The following SYNE3 variants were observed in gnomAD, a reference collection of about 807,000 sequenced individuals.
SYNE3 encodes the protein nesprin-3.
A neutral mutation model predicts 111.2 loss-of-function variants in SYNE3; 100 were observed. That is an observed-to-expected ratio of 0.90 (90% CI 0.77 to 1.06). SYNE3 has a LOEUF of 1.06. Ranked by LOEUF, SYNE3 falls within the 50% of genes least tolerant of loss-of-function variation. SYNE3 has a pLI of 0.00. For missense variants in SYNE3, 1,160 were observed against 1,240.3 expected, an observed-to-expected ratio of 0.94 and a Z score of 0.97; for synonymous variants, 547 against 533.9, an observed-to-expected ratio of 1.02 and a Z score of -0.34.
intron 8 of SYNE3, among the ~76,000 whole-genome samples, chr14:95,446,873 T>A (rs185924082): frequency 2.6e-5 from 4 of 152,164 alleles, no homozygotes; most frequent in Non-Finnish European, 4.4e-5. Flanking sequence ...CTGCAACTCT[T>A]AGAGCCTGAA....
intron 1 of SYNE3, among the ~76,000 whole-genome samples, chr14:95,503,610 CT>C (rs386382233): frequency 0.018 from 1,631 of 91,806 alleles, 10 homozygotes; most frequent in African/African-American, 0.064. Flanking sequence ...TCAGAACTAC[CT>C]TTTTTTTTTT....
At chr14:95,501,729 G>T (rs895384429) in intron 1 of SYNE3, among the ~76,000 whole-genome samples, 2 of 152,172 alleles carry the variant, frequency 1.3e-5, no homozygotes, top group Non-Finnish European at 1.5e-5. Context: ...GGGCATGGGG[G>T]GAAGCAACAA....
intron 17 of SYNE3, 31 bp from the exon 18 acceptor site, chr14:95,418,057 G>C: frequency 6.2e-7 from 1 of 1,601,534 alleles, no homozygotes; most frequent in South Asian, 1.1e-5. Flanking sequence ...AGGTGAGTGG[G>C]CTGGGGGGCT....
At chr14:95,471,552 A>G (rs1006807031) in intron 2 of SYNE3, among the ~76,000 whole-genome samples, 1 of 152,222 alleles carries the variant, frequency 6.6e-6, no homozygotes, top group Admixed American at 6.5e-5. Context: ...GCCCTGAAAG[A>G]TCAACCTGTA....
At chr14:95,489,737 C>T (rs1284795893) in intron 1 of SYNE3, among the ~76,000 whole-genome samples, 1 of 149,238 alleles carries the variant, frequency 6.7e-6, no homozygotes, top group East Asian at 2.0e-4. Flanking sequence ...TCACGAGCCA[C>T]CATGCCTGGC....
intron 6 of SYNE3, 105 bp downstream of exon 6, chr14:95,455,272 G>A (rs1353601923): frequency 1.1e-6 from 1 of 875,634 alleles, no homozygotes; most frequent in Non-Finnish European, 1.6e-6. Context: ...CAGAGTGAGT[G>A]TGCTCAGGGC....
chr14:95,474,532 G>C (rs998379996), intron 2 of SYNE3, among the ~76,000 whole-genome samples: 3 of 152,208 alleles, frequency 2.0e-5, no homozygotes, highest in African/African-American at 7.2e-5. Context: ...GCACAGCAGA[G>C]AGCTTGAACG....
intron 17 of SYNE3, among the ~76,000 whole-genome samples, chr14:95,421,699 G>T (rs565421345): frequency 6.6e-6 from 1 of 152,330 alleles, no homozygotes; most frequent in South Asian, 2.1e-4. Flanking sequence ...AGCCCCACAA[G>T]CTTCCCCTCT....
At chr14:95,484,804 T>C (rs76344881) in intron 1 of SYNE3, among the ~76,000 whole-genome samples, 11,240 of 152,268 alleles carry the variant, frequency 0.074, 694 homozygotes, top group Admixed American at 0.21. Context: ...TTGATGGATG[T>C]GTTGCATATG....
At chr14:95,421,295 C>T (rs1369670965) in intron 17 of SYNE3, among the ~76,000 whole-genome samples, 1 of 152,042 alleles carries the variant, frequency 6.6e-6, no homozygotes, top group African/African-American at 2.4e-5. Flanking sequence ...GTTAACATAC[C>T]CAACAGAGGC....
chr14:95,514,738 C>A (rs955244948), intron 1 of SYNE3, among the ~76,000 whole-genome samples: 4 of 152,248 alleles, frequency 2.6e-5, no homozygotes, highest in African/African-American at 9.6e-5. Flanking sequence ...AACTTGACTG[C>A]CCCATTCCTA....
chr14:95,487,312 C>G (rs207475163), intron 1 of SYNE3, among the ~76,000 whole-genome samples: 4 of 152,192 alleles, frequency 2.6e-5, no homozygotes, highest in Non-Finnish European at 2.9e-5. Context: ...ATTTCTTACA[C>G]CTTGGAGGTA....
At chr14:95,454,033 C>T (rs138024218) in intron 6 of SYNE3, among the ~76,000 whole-genome samples, 1 of 152,236 alleles carries the variant, frequency 6.6e-6, no homozygotes, top group African/African-American at 2.4e-5. Context: ...CCTGACCAGA[C>T]GCTGGATAAG....
intron 4 of SYNE3, among the ~76,000 whole-genome samples, chr14:95,460,894 C>T (rs1025594896): frequency 2.0e-5 from 3 of 152,156 alleles, no homozygotes; most frequent in Non-Finnish European, 2.9e-5. Flanking sequence ...AAGTGCCGGC[C>T]GTGGCTGCTA....
intron 17 of SYNE3, among the ~76,000 whole-genome samples, chr14:95,424,788 A>G (rs1013174880): frequency 4.6e-5 from 7 of 152,214 alleles, no homozygotes; most frequent in African/African-American, 1.7e-4. Context: ...AGAATTAAGA[A>G]AAACCTAGGA....
chr14:95,454,066 A>G (rs918473954), intron 6 of SYNE3, among the ~76,000 whole-genome samples: 9 of 152,284 alleles, frequency 5.9e-5, no homozygotes, highest in African/African-American at 2.2e-4. Context: ...CCTGACTTCA[A>G]CCTTTGCTGC....
intron 17 of SYNE3, among the ~76,000 whole-genome samples, chr14:95,420,294 A>C (rs1032411665): frequency 5.9e-5 from 9 of 152,220 alleles, no homozygotes; most frequent in African/African-American, 2.2e-4. Flanking sequence ...GGTGGGGCCA[A>C]ATCTCTGACC....
intron 1 of SYNE3, among the ~76,000 whole-genome samples, chr14:95,484,368 C>T (rs1889428432): frequency 6.6e-6 from 1 of 152,186 alleles, no homozygotes; most frequent in Non-Finnish European, 1.5e-5. Flanking sequence ...TCGTCTCAGG[C>T]TCCAATTGGA....
intron 17 of SYNE3, among the ~76,000 whole-genome samples, chr14:95,428,153 A>C (rs1460206295): frequency 1.3e-5 from 2 of 152,320 alleles, no homozygotes; most frequent in East Asian, 3.9e-4. Context: ...AGGCAAGGAA[A>C]TTCCAGGTCT....
Sources: allele counts gnomAD v4.1 joint callset (sites outside exome capture counted in the v4.1 genomes callset), GRCh38; gene constraint gnomAD v4.1.1; transcripts MANE v1.5; gene names NCBI Gene and HGNC (gene_info 2026-07-23, HGNC 2026-07-21).